Variants in NALF1 observed in about 807,000 individuals in gnomAD.
NALF1 encodes NALCN channel auxiliary factor 1, also known as family with sequence similarity 155 member A.
A neutral mutation model predicts 48.4 loss-of-function variants in NALF1; 3 were observed. The observed-to-expected ratio is 0.06, with a 90% confidence interval of 0.03 to 0.16. The LOEUF (loss-of-function observed/expected upper bound fraction) is 0.16. NALF1 is among the 10% of genes least tolerant of loss of function. The pLI, the probability that NALF1 is intolerant of heterozygous loss-of-function variation, is 1.00. For synonymous variants in NALF1, 262 were observed against 245.7 expected (o/e 1.07, Z -0.62); for missense variants, 526 against 571.5 (o/e 0.92, Z 0.81).
intron 1 of NALF1, among the ~76,000 whole-genome samples, chr13:107,494,836 G>T (rs1875272695): frequency 6.6e-6 from 1 of 152,150 alleles, no homozygotes; most frequent in Non-Finnish European, 1.5e-5. Flanking sequence ...TGGATTAGGG[G>T]GAACAAGTAA....
chr13:107,754,249 C>A (rs978001120), intron 1 of NALF1, among the ~76,000 whole-genome samples: 5 of 151,990 alleles, frequency 3.3e-5, no homozygotes, highest in East Asian at 1.9e-4. Context: ...GTCTTTAATG[C>A]AAATCCACAA....
chr13:107,493,905 T>C (rs2139071833), intron 1 of NALF1, among the ~76,000 whole-genome samples: 1 of 152,028 alleles, frequency 6.6e-6, no homozygotes, highest in African/African-American at 2.4e-5. Flanking sequence ...ATTATATATA[T>C]ACACACACAT....
intron 2 of NALF1, among the ~76,000 whole-genome samples, chr13:107,176,393 A>G (rs2045817365): frequency 6.9e-6 from 1 of 144,440 alleles, no homozygotes; most frequent in African/African-American, 2.6e-5. Context: ...CTGTAATCCC[A>G]GCACTTTGGG....
intron 1 of NALF1, among the ~76,000 whole-genome samples, chr13:107,787,081 C>T (rs2138583817): frequency 6.6e-6 from 1 of 152,276 alleles, no homozygotes; most frequent in East Asian, 1.9e-4. Flanking sequence ...ACACCTACTC[C>T]TGACCTACAA....
At chr13:107,438,308 G>A (rs1884495833) in intron 1 of NALF1, among the ~76,000 whole-genome samples, 1 of 151,972 alleles carries the variant, frequency 6.6e-6, no homozygotes, top group African/African-American at 2.4e-5. Context: ...TATTTATTTT[G>A]GACAAGAATA....
intron 1 of NALF1, among the ~76,000 whole-genome samples, chr13:107,636,640 G>A (rs1879983607): frequency 6.6e-6 from 1 of 151,992 alleles, no homozygotes; most frequent in Non-Finnish European, 1.5e-5. Context: ...ATTTTGTATG[G>A]TAAAGGGAAA....
chr13:107,649,979 T>C (rs1217248578), intron 1 of NALF1, among the ~76,000 whole-genome samples: 1 of 152,148 alleles, frequency 6.6e-6, no homozygotes, highest in African/African-American at 2.4e-5. Flanking sequence ...GGCCAATAAA[T>C]TATAGAACTT....
chr13:107,678,222 A>T (rs1229884778), intron 1 of NALF1, among the ~76,000 whole-genome samples: 1 of 152,130 alleles, frequency 6.6e-6, no homozygotes, highest in Non-Finnish European at 1.5e-5. Context: ...AATGAACTCC[A>T]CAGACAGGAG....
chr13:107,662,827 A>G (rs1483495703), intron 1 of NALF1, among the ~76,000 whole-genome samples: 2 of 152,214 alleles, frequency 1.3e-5, no homozygotes, highest in African/African-American at 4.8e-5. Context: ...AGGCTCAATG[A>G]ACATGTTTAC....
In NALF1 at chr13:107,606,939, G is replaced by T. The variant is rs1338287282; in HGVS notation, c.915+258743C>A. Among the ~76,000 whole-genome samples, 9 of 152,224 alleles carry T rather than the reference G, an allele frequency of 5.9e-5. No individual in the cohort carries two copies. In the East Asian group the frequency reaches 1.7e-3, roughly 29 times the overall value. On this transcript the variant is annotated intron_variant, in intron 1 of 2. Coordinates refer to ENST00000375915, the MANE Select transcript of NALF1 (RefSeq NM_001080396.3). Reference sequence around the variant, plus strand: ...TTTAACATTGCTAACATTATCAAAGGTATCATTTGCACTTTGCTCTGCTCT... The same window carrying T: ...TTTAACATTGCTAACATTATCAAAGTTATCATTTGCACTTTGCTCTGCTCT...
chr13:107,672,688 A>G (rs1881018799), intron 1 of NALF1, among the ~76,000 whole-genome samples: 1 of 152,114 alleles, frequency 6.6e-6, no homozygotes, highest in African/African-American at 2.4e-5. Context: ...CTTTACTATA[A>G]TCATCACCAG....
chr13:107,695,125 C>T (rs1594211984), intron 1 of NALF1, among the ~76,000 whole-genome samples: 1 of 152,104 alleles, frequency 6.6e-6, no homozygotes, highest in Non-Finnish European at 1.5e-5. Context: ...TTCTACTCCT[C>T]AACTAACTTG....
chr13:107,764,024 A>T (rs1877351420), intron 1 of NALF1, among the ~76,000 whole-genome samples: 1 of 152,176 alleles, frequency 6.6e-6, no homozygotes. Context: ...GCCTCTGGGA[A>T]AGTCGACCAG....
chr13:107,243,014 A>C (rs929022829), intron 1 of NALF1, among the ~76,000 whole-genome samples: 5 of 152,086 alleles, frequency 3.3e-5, no homozygotes, highest in African/African-American at 1.2e-4. Context: ...TTCTGGCCCC[A>C]GTGCGATTCA....
intron 1 of NALF1, among the ~76,000 whole-genome samples, chr13:107,481,504 C>T (rs906604501): frequency 6.6e-6 from 1 of 152,016 alleles, no homozygotes; most frequent in East Asian, 1.9e-4. Flanking sequence ...TACTACTCTC[C>T]AAAGCATGTA....
intron 1 of NALF1, among the ~76,000 whole-genome samples, chr13:107,278,740 C>A (rs546511179): frequency 1.3e-5 from 2 of 152,074 alleles, no homozygotes; most frequent in Non-Finnish European, 2.9e-5. Flanking sequence ...TAGTAAGCTA[C>A]AAACATGTAA....
intron 2 of NALF1, among the ~76,000 whole-genome samples, chr13:107,202,633 C>T (rs566166618): frequency 6.6e-5 from 10 of 152,190 alleles, no homozygotes; most frequent in Non-Finnish European, 1.2e-4. Context: ...CTTTATTTAA[C>T]CAGAAAAATG....
intron 1 of NALF1, among the ~76,000 whole-genome samples, chr13:107,714,240 A>C (rs1335820080): frequency 6.6e-6 from 1 of 152,208 alleles, no homozygotes; most frequent in Non-Finnish European, 1.5e-5. Context: ...ACATAAGTGC[A>C]TTTGTATAAT....
At chr13:107,638,206 T>TAA (rs1056558914) in intron 1 of NALF1, among the ~76,000 whole-genome samples, 2 of 146,368 alleles carry the variant, frequency 1.4e-5, no homozygotes, top group African/African-American at 2.5e-5. Flanking sequence ...TATATATATA[T>TAA]AATTTAAGAT....
Sources: gnomAD v4.1 joint callset for allele counts (sites outside exome capture counted in the v4.1 genomes callset) on GRCh38, gnomAD v4.1.1 for gene constraint, MANE v1.5 for transcripts, NCBI Gene and HGNC (gene_info 2026-07-23, HGNC 2026-07-21) for gene names.